The following MRS2 variants were observed in gnomAD, a reference collection of about 807,000 sequenced individuals.
The protein encoded by MRS2 is magnesium transporter MRS2, also known as magnesium transporter MRS2 homolog, mitochondrial.
A neutral mutation model predicts 52.6 loss-of-function variants in MRS2; 40 were observed. The ratio of observed to expected loss-of-function variants is 0.76; its 90% CI spans 0.59 to 0.99. MRS2 has a LOEUF of 0.99. MRS2 is among the 50% of genes least tolerant of loss of function. The pLI, the probability that MRS2 is intolerant of heterozygous loss-of-function variation, is 0.00. For missense variants in MRS2, 472 were observed against 532.7 expected (o/e 0.89, Z 1.12); for synonymous variants, 193 against 195.9 (o/e 0.98, Z 0.13).
chr6:24,418,145 T>C lies in MRS2; in HGVS notation c.898T>C (p.Tyr300His). 6.2e-7 allele frequency: 1 copy of C among 1,613,786 alleles called. No individual in the cohort carries two copies. Among genetic ancestry groups the C allele is most frequent in the Non-Finnish European group, 8.5e-7 (1 of 1,179,730 alleles). The change falls in exon 8 of 11, where the codon TAC becomes CAC. Residue 300 changes from tyrosine to histidine, a missense_variant. By Grantham distance (83) the Tyr-to-His change is moderately conservative. Coordinates refer to ENST00000378386, the MANE Select transcript of MRS2 (RefSeq NM_020662.4). Reference sequence around the variant, plus strand: ...GATGGAGTTGCTGTTGGAAAACTACTACCGATTGGCTGACGATCTCTCCAA... The same window carrying C: ...GATGGAGTTGCTGTTGGAAAACTACCACCGATTGGCTGACGATCTCTCCAA... ...EEMELLLENY[Y>H]RLADDLSNAA...
At position 24,409,576 on chromosome 6, in the gene MRS2, A is replaced by G. The variant is rs1761585747; in HGVS notation, c.414+3A>G. The stretch of plus-strand genomic sequence containing the variant: ...ATAGGATTATCATGAGAATGGAGGT[A>G]AAATATTTTATTTTCATCTATGTTT... On this transcript the variant is annotated splice_donor_region_variant and intron_variant, in intron 4 of 10. Transcript: ENST00000378386. 2.0e-6 allele frequency: 3 copies of G among 1,503,594 alleles called. No individual in the cohort carries two copies. In the East Asian group the frequency reaches 6.9e-5, roughly 34 times the overall value. 93.1% of individuals were successfully genotyped at this position (1,503,594 alleles called of 1,614,324 possible).
At chr6:24,403,268 C>A in intron 1 of MRS2, 32 bp downstream of exon 1, 8 of 1,562,072 alleles carry the variant, frequency 5.1e-6, no homozygotes, top group Non-Finnish European at 6.9e-6. Flanking sequence ...AGCCTTGGGA[C>A]GCTGGTCTTG....
At chr6:24,414,252 CAT>C (rs1011440822) in intron 5 of MRS2, among the ~76,000 whole-genome samples, 13 of 152,124 alleles carry the variant, frequency 8.5e-5, no homozygotes, top group Admixed American at 6.6e-4. Context: ...AGCAGATAAA[CAT>C]GTGAACAAGG....
At chr6:24,421,237 CCTTT>C (rs1762031956) in intron 9 of MRS2, among the ~76,000 whole-genome samples, 1 of 150,462 alleles carries the variant, frequency 6.6e-6, no homozygotes, top group Non-Finnish European at 1.5e-5. Flanking sequence ...TTTTCAAATT[CCTTT>C]CTTATAGTTT....
chr6:24,418,560 G>A lies in MRS2; in HGVS notation c.1089G>A (p.Leu363=). ...TGGGAGTTGCTTTTGGAATGAATTT[G>A]GAATCTTCCCTTGAAGAGGTGAGAA... ...GLMGVAFGMN[L]ESSLEEDHRI... is the part of the protein sequence containing the mutation. Residue 363 remains leucine, a synonymous_variant, in exon 9 of 11, where the codon TTG becomes TTA. Coordinates refer to ENST00000378386, the MANE Select transcript of MRS2 (RefSeq NM_020662.4). 1 of 1,612,530 alleles carries A rather than the reference G, an allele frequency of 6.2e-7. No homozygotes were observed. Among genetic ancestry groups the A allele is most frequent in the South Asian group, 1.1e-5 (1 of 91,028 alleles).
intron 2 of MRS2, among the ~76,000 whole-genome samples, chr6:24,405,833 T>A (rs1761454266): frequency 7.3e-6 from 1 of 136,506 alleles, no homozygotes; most frequent in South Asian, 2.5e-4. Context: ...CGGCCGGGCG[T>A]GGTGGCTCAC....
At chr6:24,403,321 C>A (rs78206495) in intron 1 of MRS2, 85 bp downstream of exon 1, 191,177 of 1,331,076 alleles carry the variant, frequency 0.14, 14,733 homozygotes, top group Middle Eastern at 0.17. Context: ...GCGCGGCGCG[C>A]CTGTTGCTCC....
In MRS2 at chr6:24,402,968, T is replaced by C. The variant is rs79747846; in HGVS notation, c.-79T>C. ...CTGCAGGTCGGGCGGTAGCGACAGG[T>C]CAGAGCTGCGGCCTGAGCAGCCAGC... is the stretch of plus-strand genomic sequence containing the variant. On this transcript the variant is annotated 5_prime_UTR_variant, in exon 1 of 11. Coordinates refer to ENST00000378386, the MANE Select transcript of MRS2 (RefSeq NM_020662.4). The C allele has an allele frequency of 0.15, 202,179 of 1,375,174 alleles. 15,927 individuals carry two copies. Among genetic ancestry groups the C allele is most frequent in the Middle Eastern group, 0.17 (891 of 5,284 alleles). The allele number at this position is 1,375,174 out of a possible 1,614,324, so 85.2% of individuals were successfully genotyped here. A position where few individuals can be genotyped will look rare whatever the true frequency, so the allele number is the denominator to read the frequency against.
chr6:24,423,761 T>A lies in MRS2; in HGVS notation c.*67T>A. 1 of 733,414 alleles carries A rather than the reference T, an allele frequency of 1.4e-6. No individual in the cohort carries two copies. Among genetic ancestry groups the A allele is most frequent in the Non-Finnish European group, 2.2e-6 (1 of 450,196 alleles). 45.4% of individuals were successfully genotyped at this position (733,414 alleles called of 1,614,324 possible). A position where few individuals can be genotyped will look rare whatever the true frequency, so the allele number is the denominator to read the frequency against. ...CAGGAAACTTCTGATACTCTTTTTA[T>A]TATTTTCTTGTATAGAGTCAGACAC... On this transcript the variant is annotated 3_prime_UTR_variant, in exon 11 of 11. Coordinates refer to ENST00000378386, the MANE Select transcript of MRS2 (RefSeq NM_020662.4).
chr6:24,423,356 G>T (rs990251354), intron 10 of MRS2: 1 of 482,516 alleles, frequency 2.1e-6, no homozygotes, highest in Non-Finnish European at 3.7e-6. Flanking sequence ...CTGGTATAAG[G>T]TTTGTCATAA....
chr6:24,418,766 G>A, intron 9 of MRS2, 188 bp downstream of exon 9: 1 of 428,636 alleles, frequency 2.3e-6, no homozygotes, highest in Non-Finnish European at 4.3e-6. Flanking sequence ...AGGCACGGTG[G>A]CAGGCACCTG....
At chr6:24,411,165 G>A (rs1561808455) in intron 4 of MRS2, among the ~76,000 whole-genome samples, 1 of 151,252 alleles carries the variant, frequency 6.6e-6, no homozygotes, top group Non-Finnish European at 1.5e-5. Flanking sequence ...ACTCCAGCCT[G>A]GGTGACAGAG....
intron 4 of MRS2, among the ~76,000 whole-genome samples, chr6:24,409,994 T>G (rs114379632): frequency 0.011 from 1,737 of 151,746 alleles, 23 homozygotes; most frequent in African/African-American, 0.038. Context: ...TTTATAGCCT[T>G]AATTTTTTTT....
At position 24,402,968 on chromosome 6, in the gene MRS2, T is replaced by G; in HGVS notation, c.-79T>G. 1.5e-6 allele frequency: 2 copies of G among 1,376,116 alleles called. No homozygotes were observed. Among genetic ancestry groups the G allele is most frequent in the Non-Finnish European group, 2.0e-6 (2 of 1,023,978 alleles). The allele number at this position is 1,376,116 out of a possible 1,614,324, so 85.2% of individuals were successfully genotyped here. A position where few individuals can be genotyped will look rare whatever the true frequency, so the allele number is the denominator to read the frequency against. On this transcript the variant is annotated 5_prime_UTR_variant, in exon 1 of 11. Coordinates refer to ENST00000378386, the MANE Select transcript of MRS2 (RefSeq NM_020662.4). Reference sequence around the variant, plus strand: ...CTGCAGGTCGGGCGGTAGCGACAGGTCAGAGCTGCGGCCTGAGCAGCCAGC... The same window carrying G: ...CTGCAGGTCGGGCGGTAGCGACAGGGCAGAGCTGCGGCCTGAGCAGCCAGC...
chr6:24,412,268 A>T lies in MRS2; in HGVS notation c.461A>T (p.Tyr154Phe). The change falls in exon 5 of 11, where the codon TAT (tyrosine) becomes TTT (phenylalanine). Residue 154 changes from tyrosine to phenylalanine, a missense_variant. Transcript: ENST00000378386. ...ITPECLLILD[Y>F]RNLNLEQWLF... ...CCAGAGTGTCTTCTGATATTAGATTATCGTAATTTAAACTTAGAGCAATGG... is the reference window on the plus strand; with the variant it reads ...CCAGAGTGTCTTCTGATATTAGATTTTCGTAATTTAAACTTAGAGCAATGG... 6.2e-7 allele frequency: 1 copy of T among 1,600,928 alleles called. No homozygotes were observed. The highest frequency in any genetic ancestry group is 8.5e-7 in the Non-Finnish European group (1 of 1,175,478).
At chr6:24,406,549 A>T (rs938059676) in intron 2 of MRS2, among the ~76,000 whole-genome samples, 2 of 152,098 alleles carry the variant, frequency 1.3e-5, no homozygotes, top group Non-Finnish European at 2.9e-5. Flanking sequence ...TGAGGTGGGC[A>T]TATCATTTGA....
At position 24,403,006 on chromosome 6, in the gene MRS2, G is replaced by T. The variant is rs778599383; in HGVS notation, c.-41G>T. On this transcript the variant is annotated 5_prime_UTR_variant, in exon 1 of 11. It adds an upstream start codon to the 5' untranslated region. Transcript: ENST00000378386. ...CTGAGCAGCCAGCGTCCGGCATGAA[G>T]GTCTGGGGTCTGGCTGCTGCCTGCT... The T allele has an allele frequency of 5.9e-6, 9 of 1,535,290 alleles. No individual in the cohort carries two copies. Among genetic ancestry groups the T allele is most frequent in the Non-Finnish European group, 7.9e-6 (9 of 1,142,576 alleles).
intron 4 of MRS2, 123 bp from the exon 5 acceptor site, chr6:24,412,095 ATGTT>A (rs1761679697): frequency 4.1e-6 from 2 of 492,730 alleles, no homozygotes; most frequent in Admixed American, 4.4e-5. Context: ...AATTTTATGA[ATGTT>A]CTTTTTTCCT....
rs754089923 is a variant in MRS2 at position 24,423,740 on chromosome 6, A to C, written c.*46A>C. 11 of 901,734 alleles carry C rather than the reference A, an allele frequency of 1.2e-5. 1 individual carries two copies. The highest frequency in any genetic ancestry group is 9.1e-5 in the Admixed American group (4 of 44,036). 55.9% of individuals were successfully genotyped at this position (901,734 alleles called of 1,614,324 possible). On this transcript the variant is annotated 3_prime_UTR_variant, in exon 11 of 11. Coordinates refer to ENST00000378386, the MANE Select transcript of MRS2 (RefSeq NM_020662.4). ...AAGTTTTTTTTATGGTAGTTACAGGAAACTTCTGATACTCTTTTTATTATT... is the reference window on the plus strand; with the variant it reads ...AAGTTTTTTTTATGGTAGTTACAGGCAACTTCTGATACTCTTTTTATTATT...
Sources: allele counts gnomAD v4.1 joint callset (sites outside exome capture counted in the v4.1 genomes callset), GRCh38; gene constraint gnomAD v4.1.1; transcripts MANE v1.5; gene names NCBI Gene and HGNC (gene_info 2026-07-23, HGNC 2026-07-21).